CCDC117: variants seen among roughly 807,000 people sequenced by gnomAD.
CCDC117 encodes the protein coiled-coil domain containing 117.
A neutral mutation model predicts 23.5 loss-of-function variants in CCDC117; 1 was observed. The observed-to-expected ratio is 0.04, with a 90% CI of 0.02 to 0.20. CCDC117 has a LOEUF of 0.20. Among genes scored for constraint, CCDC117 ranks in the 10% least tolerant of loss-of-function variants. The pLI is 1.00. For synonymous variants in CCDC117, 132 were observed against 124.8 expected (o/e 1.06, Z -0.39); for missense variants, 383 against 348.2 (o/e 1.10, Z -0.80).
chr22:28,782,077 G>T (rs1021905566), intron 3 of CCDC117, among the ~76,000 whole-genome samples: 1 of 149,800 alleles, frequency 6.7e-6, no homozygotes, highest in African/African-American at 2.5e-5. Flanking sequence ...GGCTGGGACT[G>T]CAGGCATGTG....
intron 2 of CCDC117, among the ~76,000 whole-genome samples, chr22:28,774,576 A>G (rs948989561): frequency 6.6e-6 from 1 of 151,776 alleles, no homozygotes; most frequent in Non-Finnish European, 1.5e-5. Flanking sequence ...GTGTCTCACT[A>G]TGTTGCCCAG....
rs764051659 is a variant in CCDC117 at position 28,786,253 on chromosome 22, C to G, written c.767C>G (p.Pro256Arg). ...FPQRTELFSE[P>R]RPTGMSLYNS... ...CAGAGAACTGAACTGTTTTCGGAAC[C>G]TCGGCCAACAGGGATGTCTCTTTAT... Residue 256 changes from proline to arginine, a missense_variant, in exon 5 of 5, where the codon CCT becomes CGT. By Grantham distance (103) the Pro-to-Arg change is moderately radical. Coordinates refer to ENST00000249064, the MANE Select transcript of CCDC117 (RefSeq NM_173510.4). 2 of 1,614,016 alleles carry G rather than the reference C, an allele frequency of 1.2e-6. No individual in the cohort carries two copies. The highest frequency in any genetic ancestry group is 2.7e-5 in the African/African-American group (2 of 74,912).
At position 28,788,891 on chromosome 22, in the gene CCDC117, C is replaced by A. The variant is rs1361465337; in HGVS notation, c.*2565C>A. On this transcript the variant is annotated 3_prime_UTR_variant, in exon 5 of 5. Coordinates refer to ENST00000249064, the MANE Select transcript of CCDC117 (RefSeq NM_173510.4). The stretch of plus-strand genomic sequence containing the variant: ...TGCTAATGTGTGAAGAGAAAAAATT[C>A]TCTAAAGCAGGTGAGCTTTAATGAA... The A allele has an allele frequency of 6.6e-6, 1 of 152,006 alleles. No homozygotes were observed. The highest frequency in any genetic ancestry group is 1.9e-4 in the East Asian group (1 of 5,172). The allele number at this position is 152,006 out of a possible 1,614,324, so 9.4% of individuals were successfully genotyped here.
rs2031418540 is a variant in CCDC117 at position 28,783,521 on chromosome 22, G to A, written c.478G>A (p.Asp160Asn). 1.2e-6 allele frequency: 2 copies of A among 1,613,248 alleles called. No homozygotes were observed. Among genetic ancestry groups the A allele is most frequent in the Non-Finnish European group, 1.7e-6 (2 of 1,179,718 alleles). Residue 160 changes from aspartate to asparagine, a missense_variant, in exon 4 of 5, where the codon GAT becomes AAT. Asp to Asn is a conservative substitution (Grantham distance 23). Coordinates refer to ENST00000249064, the MANE Select transcript of CCDC117 (RefSeq NM_173510.4). ...QEIEDRIIDE[D>N]EEVEADRNVN... Reference sequence around the variant, plus strand: ...TAATTGATTTAGGATAATTGATGAAGATGAAGAAGTTGAAGCTGACAGAAA... The same window carrying A: ...TAATTGATTTAGGATAATTGATGAAAATGAAGAAGTTGAAGCTGACAGAAA...
At chr22:28,780,551 C>G (rs1019518334) in intron 2 of CCDC117, among the ~76,000 whole-genome samples, 4 of 152,096 alleles carry the variant, frequency 2.6e-5, no homozygotes, top group Admixed American at 2.0e-4. Context: ...GTCTTGAACT[C>G]TGGGCTCAAG....
At chr22:28,775,867 A>C (rs557936524) in intron 2 of CCDC117, among the ~76,000 whole-genome samples, 1 of 152,304 alleles carries the variant, frequency 6.6e-6, no homozygotes, top group African/African-American at 2.4e-5. Flanking sequence ...ACCGCACTCC[A>C]GCCTTGGTGA....
intron 2 of CCDC117, among the ~76,000 whole-genome samples, chr22:28,776,971 T>G (rs1417101250): frequency 6.6e-6 from 1 of 151,952 alleles, no homozygotes; most frequent in Non-Finnish European, 1.5e-5. Flanking sequence ...CTGCCCGCCT[T>G]GGCCTTCCAA....
chr22:28,787,113 A>G lies in CCDC117; in HGVS notation c.*787A>G, dbSNP rs2031535839. On this transcript the variant is annotated 3_prime_UTR_variant, in exon 5 of 5. Coordinates refer to ENST00000249064, the MANE Select transcript of CCDC117 (RefSeq NM_173510.4). Reference sequence around the variant, plus strand: ...CTGTGGGAGAAGCATCCTTTAGTTCATCTTAAGGAAGTGCTTTATCAGCTA... The same window carrying G: ...CTGTGGGAGAAGCATCCTTTAGTTCGTCTTAAGGAAGTGCTTTATCAGCTA... The G allele has an allele frequency of 6.6e-6, 1 of 152,534 alleles. No homozygotes were observed. Among genetic ancestry groups the G allele is most frequent in the South Asian group, 2.1e-4 (1 of 4,824 alleles). The allele number at this position is 152,534 out of a possible 1,614,324, so 9.4% of individuals were successfully genotyped here.
Position 28,774,425 on chromosome 22 carries a change from CA to C in CCDC117, c.239+648del, listed in dbSNP as rs1291138018. 8.2e-5 allele frequency among the ~76,000 whole-genome samples: 12 copies of C among 146,288 alleles called. No homozygotes were observed. The East Asian group carries it at 2.5e-3, about 30-fold the overall frequency. On this transcript the variant is annotated intron_variant, in intron 2 of 4. Transcript: ENST00000249064. The stretch of plus-strand genomic sequence containing the variant: ...GGGCTCTGTCACCCAAGCTGGAGTG[CA>C]GTTGTGTGATCACAGCTCACTGCAG...
chr22:28,782,473 C>G (rs2031377969), intron 3 of CCDC117, among the ~76,000 whole-genome samples: 2 of 151,536 alleles, frequency 1.3e-5, no homozygotes, highest in African/African-American at 2.4e-5. Context: ...GAGTCTCGCT[C>G]TGTTGCTCAG....
rs1415606022 is a variant in CCDC117 at position 28,787,200 on chromosome 22, T to C, written c.*874T>C. ...AGTTATACTTGTATTAGCAAGTTTT[T>C]TTTTTTTTCCCCCACCGCAACCTCC... On this transcript the variant is annotated 3_prime_UTR_variant, in exon 5 of 5. Coordinates refer to ENST00000249064, the MANE Select transcript of CCDC117 (RefSeq NM_173510.4). The C allele has an allele frequency of 6.6e-6, 1 of 152,178 alleles. No homozygotes were observed. The highest frequency in any genetic ancestry group is 2.4e-5 in the African/African-American group (1 of 41,420). 9.4% of individuals were successfully genotyped at this position (152,178 alleles called of 1,614,324 possible).
At position 28,786,100 on chromosome 22, in the gene CCDC117, C is replaced by G; in HGVS notation, c.614C>G (p.Ser205Cys). 6.2e-7 allele frequency: 1 copy of G among 1,606,564 alleles called. No individual in the cohort carries two copies. Among genetic ancestry groups the G allele is most frequent in the Non-Finnish European group, 8.5e-7 (1 of 1,178,054 alleles). Residue 205 changes from serine to cysteine, a missense_variant, in exon 5 of 5, where the codon TCC becomes TGC. Physicochemically the swap from Ser to Cys is moderately radical, Grantham distance 112. Coordinates refer to ENST00000249064, the MANE Select transcript of CCDC117 (RefSeq NM_173510.4). Reference sequence around the variant, plus strand: ...ATTTTATGTCTTAGGAGCCGTCCTTCCATGGAGCTTGTTCTCTGGAAACCC... The same window carrying G: ...ATTTTATGTCTTAGGAGCCGTCCTTGCATGGAGCTTGTTCTCTGGAAACCC... The part of the protein sequence containing the change: ...KKMIESMSRP[S>C]MELVLWKPLP...
Position 28,786,898 on chromosome 22 carries a change from T to C in CCDC117, c.*572T>C, listed in dbSNP as rs2031529352. On this transcript the variant is annotated 3_prime_UTR_variant, in exon 5 of 5. Transcript: ENST00000249064. ...ATAGCTCTGTTGATTAAATAGCCGA[T>C]AGTATTGTGGCTCTCCTCTTTGACT... 6.5e-6 allele frequency: 1 copy of C among 152,712 alleles called. No homozygotes were observed. Among genetic ancestry groups the C allele is most frequent in the African/African-American group, 2.4e-5 (1 of 41,450 alleles). 9.5% of individuals were successfully genotyped at this position (152,712 alleles called of 1,614,324 possible).
In CCDC117 at chr22:28,787,264, C is replaced by G. The variant is rs2031544115; in HGVS notation, c.*938C>G. 6.6e-6 allele frequency: 1 copy of G among 151,986 alleles called. No homozygotes were observed. Among genetic ancestry groups the G allele is most frequent in the Admixed American group, 6.6e-5 (1 of 15,230 alleles). The allele number at this position is 151,986 out of a possible 1,614,324, so 9.4% of individuals were successfully genotyped here. The stretch of plus-strand genomic sequence containing the variant: ...AAGCAATTCTCCTGCCTCACCCTCC[C>G]AAGTAGCTGGGATTACAGGTGCCCA... On this transcript the variant is annotated 3_prime_UTR_variant, in exon 5 of 5. Transcript: ENST00000249064.
chr22:28,788,977 T>G lies in CCDC117; in HGVS notation c.*2651T>G, dbSNP rs1052851907. The G allele has an allele frequency of 2.0e-5, 3 of 150,806 alleles. No individual in the cohort carries two copies. The highest frequency in any genetic ancestry group is 1.9e-4 in the East Asian group (1 of 5,188). 9.3% of individuals were successfully genotyped at this position (150,806 alleles called of 1,614,324 possible). On this transcript the variant is annotated 3_prime_UTR_variant, in exon 5 of 5. Transcript: ENST00000249064. ...GTTGTGGATTTTGTTTTTTGGGTTT[T>G]TTTTTTTTTTTTGTAATTATATGAA...
rs903098864 is a variant in CCDC117 at position 28,786,560 on chromosome 22, T to C, written c.*234T>C. ...TTTTCTGTGGGGCTTATTAAAGGAA[T>C]GTTGGTTTACATTGTCTTCAAAGAC... On this transcript the variant is annotated 3_prime_UTR_variant, in exon 5 of 5. Coordinates refer to ENST00000249064, the MANE Select transcript of CCDC117 (RefSeq NM_173510.4). 1 of 482,390 alleles carries C rather than the reference T, an allele frequency of 2.1e-6. No individual in the cohort carries two copies. The highest frequency in any genetic ancestry group is 2.7e-5 in the South Asian group (1 of 37,028). 29.9% of individuals were successfully genotyped at this position (482,390 alleles called of 1,614,324 possible). A position where few individuals can be genotyped will look rare whatever the true frequency, so the allele number is the denominator to read the frequency against.
intron 2 of CCDC117, among the ~76,000 whole-genome samples, chr22:28,774,652 C>G (rs1419647059): frequency 6.6e-6 from 1 of 152,144 alleles, no homozygotes; most frequent in Non-Finnish European, 1.5e-5. Flanking sequence ...TGAACCGTCC[C>G]CCAGGCTGTA....
intron 4 of CCDC117, among the ~76,000 whole-genome samples, chr22:28,784,368 C>G (rs561448753): frequency 6.6e-6 from 1 of 152,362 alleles, no homozygotes; most frequent in African/African-American, 2.4e-5. Context: ...TCCGTGAAGC[C>G]TCCGTGATCT....
chr22:28,781,005 C>T lies in CCDC117; in HGVS notation c.297C>T (p.Asp99=), dbSNP rs1376682703. Residue 99 remains aspartate, a synonymous_variant, in exon 3 of 5, where the codon GAC becomes GAT. Coordinates refer to ENST00000249064, the MANE Select transcript of CCDC117 (RefSeq NM_173510.4). ...CAGAGCTCTGTGCTGGTCCTAATGA[C>T]TGGATTCTTTGTGCACATCAGGATG... ...TEAELCAGPN[D]WILCAHQDVE... is the part of the protein sequence containing the mutation. The T allele has an allele frequency of 6.2e-7, 1 of 1,614,028 alleles. No homozygotes were observed. Among genetic ancestry groups the T allele is most frequent in the South Asian group, 1.1e-5 (1 of 91,076 alleles).
Sources: gnomAD v4.1 joint callset for allele counts (sites outside exome capture counted in the v4.1 genomes callset) on GRCh38, gnomAD v4.1.1 for gene constraint, MANE v1.5 for transcripts, NCBI Gene and HGNC (gene_info 2026-07-23, HGNC 2026-07-21) for gene names.